Variants in TENM3 observed in about 807,000 individuals in gnomAD.
The protein encoded by TENM3 is teneurin-3.
TENM3 carries 63 observed loss-of-function variants against 255.1 expected under a neutral mutation model. The observed-to-expected ratio is 0.25, with a 90% CI of 0.20 to 0.30. The LOEUF (loss-of-function observed/expected upper bound fraction) is 0.30. TENM3 is among the 10% of genes least tolerant of loss of function. TENM3 has a pLI of 1.00. For synonymous variants in TENM3, 1,306 were observed against 1,322.3 expected (o/e 0.99, Z 0.27); for missense variants, 2,929 against 3,461.1 (o/e 0.85, Z 3.86).
At chr4:182,676,447 T>C (rs912783336) in intron 7 of TENM3, among the ~76,000 whole-genome samples, 4 of 151,648 alleles carry the variant, frequency 2.6e-5, no homozygotes, top group African/African-American at 9.7e-5. Context: ...TTAGTGTCCA[T>C]TGGTAAAATG....
chr4:182,717,553 T>C (rs565099576), intron 13 of TENM3, among the ~76,000 whole-genome samples: 2 of 152,176 alleles, frequency 1.3e-5, no homozygotes, highest in African/African-American at 4.8e-5. Flanking sequence ...CAGCTCCAGG[T>C]ACCAAATAGA....
intron 3 of TENM3, among the ~76,000 whole-genome samples, chr4:182,534,283 G>A (rs1740063460): frequency 6.6e-6 from 1 of 152,154 alleles, no homozygotes; most frequent in South Asian, 2.1e-4. Context: ...AGATGAGGCT[G>A]AGCTCAATCT....
At chr4:182,530,024 T>C (rs1739614092) in intron 3 of TENM3, among the ~76,000 whole-genome samples, 1 of 152,216 alleles carries the variant, frequency 6.6e-6, no homozygotes, top group Non-Finnish European at 1.5e-5. Context: ...GGAAAATTAC[T>C]TTTTGAAATA....
the TENM3 span, among the ~76,000 whole-genome samples, chr4:181,750,958 G>A: frequency 6.6e-6 from 1 of 152,160 alleles, no homozygotes; most frequent in African/African-American, 2.4e-5. Flanking sequence ...GACTTAGGCT[G>A]TATCTGCTTC....
At chr4:181,996,980 G>A in the TENM3 span, among the ~76,000 whole-genome samples, 1 of 152,160 alleles carries the variant, frequency 6.6e-6, no homozygotes, top group Admixed American at 6.6e-5. Flanking sequence ...TGTGCAACCA[G>A]TAAGCTTTGA....
chr4:182,210,608 C>T (rs1239730161), intron 1 of TENM3, among the ~76,000 whole-genome samples: 1 of 139,316 alleles, frequency 7.2e-6, no homozygotes, highest in African/African-American at 2.6e-5. Context: ...CTCCATTTTC[C>T]CCCTCTCTAG....
chr4:182,684,988 A>C (rs999849700), intron 11 of TENM3, among the ~76,000 whole-genome samples: 1 of 152,180 alleles, frequency 6.6e-6, no homozygotes, highest in African/African-American at 2.4e-5. Context: ...CCTATGAGTC[A>C]GTATCAGCAT....
the TENM3 span, among the ~76,000 whole-genome samples, chr4:181,812,071 T>C: frequency 6.6e-6 from 1 of 152,234 alleles, no homozygotes; most frequent in African/African-American, 2.4e-5. Context: ...TCTCTTTTCC[T>C]CTTCATTCTT....
the TENM3 span, among the ~76,000 whole-genome samples, chr4:181,844,674 AT>A: frequency 3.7e-3 from 564 of 151,670 alleles, 8 homozygotes; most frequent in African/African-American, 0.011. Flanking sequence ...TCTCAAAAAA[AT>A]AAAATAAAAT....
intron 1 of TENM3, among the ~76,000 whole-genome samples, chr4:182,244,437 G>T (rs1757515580): frequency 6.6e-6 from 1 of 152,196 alleles, no homozygotes; most frequent in Non-Finnish European, 1.5e-5. Flanking sequence ...AGCTACTTCT[G>T]ATGAGGCTTT....
intron 3 of TENM3, chr4:182,350,186 TAGAAC>T (rs1254196109): frequency 1.3e-5 from 2 of 154,334 alleles, no homozygotes; most frequent in Non-Finnish European, 1.4e-5. Flanking sequence ...AAGAAGGTGC[TAGAAC>T]TGCTGTGAGG....
chr4:182,496,462 T>C (rs1387074016), intron 3 of TENM3, among the ~76,000 whole-genome samples: 2 of 152,140 alleles, frequency 1.3e-5, no homozygotes, highest in Non-Finnish European at 2.9e-5. Flanking sequence ...AGCCTTTAAT[T>C]AGTTGATGTG....
chr4:182,301,928 G>C (rs1761877583), intron 1 of TENM3, among the ~76,000 whole-genome samples: 1 of 152,162 alleles, frequency 6.6e-6, no homozygotes, highest in Non-Finnish European at 1.5e-5. Flanking sequence ...CAGTGGCTGT[G>C]CTTCCTTGGG....
chr4:181,969,433 GAT>G, the TENM3 span, among the ~76,000 whole-genome samples: 2 of 152,130 alleles, frequency 1.3e-5, no homozygotes, highest in Non-Finnish European at 2.9e-5. Context: ...TGGGAATATT[GAT>G]ATATATTGAG....
At chr4:182,333,173 C>T (rs73869930) in intron 2 of TENM3, among the ~76,000 whole-genome samples, 208 of 152,260 alleles carry the variant, frequency 1.4e-3, no homozygotes, top group African/African-American at 4.8e-3. Flanking sequence ...CACCACCCTT[C>T]ATAACAGATG....
intron 3 of TENM3, among the ~76,000 whole-genome samples, chr4:182,350,974 C>T (rs937962664): frequency 6.6e-6 from 1 of 152,180 alleles, no homozygotes; most frequent in Non-Finnish European, 1.5e-5. Context: ...TGAGCCACCG[C>T]GCCCGGCCAC....
the TENM3 span, among the ~76,000 whole-genome samples, chr4:181,709,371 G>C: frequency 6.6e-6 from 1 of 152,228 alleles, no homozygotes; most frequent in Admixed American, 6.5e-5. Flanking sequence ...TGGGCTGACA[G>C]ACATATATAA....
the TENM3 span, among the ~76,000 whole-genome samples, chr4:181,567,285 A>G: frequency 6.6e-6 from 1 of 152,192 alleles, no homozygotes; most frequent in Non-Finnish European, 1.5e-5. Context: ...AGTAAATTCT[A>G]AAGATTTAAT....
intron 1 of TENM3, among the ~76,000 whole-genome samples, chr4:182,232,672 G>A (rs1756655138): frequency 6.6e-6 from 1 of 151,996 alleles, no homozygotes; most frequent in Admixed American, 6.6e-5. Flanking sequence ...CTCCAGCCTG[G>A]CAACAGAGTG....
Sources: gnomAD v4.1 joint callset for allele counts (sites outside exome capture counted in the v4.1 genomes callset) on GRCh38, gnomAD v4.1.1 for gene constraint, MANE v1.5 for transcripts, NCBI Gene and HGNC (gene_info 2026-07-23, HGNC 2026-07-21) for gene names.